CMYA5: variants seen among roughly 807,000 people sequenced by gnomAD.
The protein encoded by CMYA5 is cardiomyopathy associated 5, also known as cardiomyopathy-associated protein 5.
CMYA5 carries 246 observed loss-of-function variants against 318.9 expected under a neutral mutation model. The observed-to-expected ratio is 0.77, with a 90% confidence interval of 0.70 to 0.86. CMYA5 has a LOEUF of 0.86. CMYA5 is among the 40% of genes least tolerant of loss of function. The pLI, the probability that CMYA5 is intolerant of heterozygous loss-of-function variation, is 0.00. For missense variants in CMYA5, 4,589 were observed against 4,678.2 expected (o/e 0.98, Z 0.56); for synonymous variants, 1,641 against 1,729.5 (o/e 0.95, Z 1.27).
At position 79,722,272 on chromosome 5, in the gene CMYA5, A is replaced by G. The variant is rs192965606; in HGVS notation, c.150-6643A>G. 2.6e-5 allele frequency among the ~76,000 whole-genome samples: 4 copies of G among 152,358 alleles called. No homozygotes were observed. In the East Asian group the frequency reaches 7.7e-4, roughly 29 times the overall value. ...AACATTTTGAGATTAATAACTTTTA[A>G]AATGCTATATATCAACCTTTAGGTT... On this transcript the variant is annotated intron_variant, in intron 1 of 12. Transcript: ENST00000446378.
In CMYA5 at chr5:79,729,598, C is replaced by G; in HGVS notation, c.833C>G (p.Ser278Cys). ...GAGCCAGATTTGGACAATAGTGGTT[C>G]TAATACAGTGTCCAAAACACGCAAA... ...SLEPDLDNSG[S>C]NTVSKTRKLV... The change falls in exon 2 of 13, where the codon TCT (serine) becomes TGT (cysteine). Residue 278 changes from serine (S) to cysteine (C), a missense_variant. Around this residue, in one of 3 missense-constraint regions of CMYA5, gnomAD observed 2,132 missense variants for 2,131.3 expected, o/e 1.00. Coordinates refer to ENST00000446378, the MANE Select transcript of CMYA5 (RefSeq NM_153610.5). The G allele has an allele frequency of 6.2e-7, 1 of 1,613,278 alleles. No homozygotes were observed. Among genetic ancestry groups the G allele is most frequent in the Non-Finnish European group, 8.5e-7 (1 of 1,179,266 alleles).
At chr5:79,712,223 AT>A (rs2151078665) in intron 1 of CMYA5, among the ~76,000 whole-genome samples, 1 of 152,034 alleles carries the variant, frequency 6.6e-6, no homozygotes, top group Non-Finnish European at 1.5e-5. Context: ...TTGTTTGTTT[AT>A]TTATTTTTGA....
At chr5:79,765,456 T>C (rs550759872) in intron 9 of CMYA5, among the ~76,000 whole-genome samples, 1 of 152,320 alleles carries the variant, frequency 6.6e-6, no homozygotes, top group South Asian at 2.1e-4. Context: ...TGCTTAGGAT[T>C]GTCTTGGCTA....
Position 79,787,025 on chromosome 5 carries a change from G to T in CMYA5, c.11556-1946G>T, listed in dbSNP as rs534166658. On this transcript the variant is annotated intron_variant, in intron 9 of 12. Transcript: ENST00000446378. ...CCTTTATTCTTTAAATGAGCAATGA[G>T]ACAGAGCATGCAGTTGACTATATAT... 1.2e-4 allele frequency among the ~76,000 whole-genome samples: 18 copies of T among 152,274 alleles called. No individual in the cohort carries two copies. The South Asian group carries it at 3.7e-3, about 32-fold the overall frequency.
intron 1 of CMYA5, among the ~76,000 whole-genome samples, chr5:79,693,336 A>ATTTTTTTTTTTTTTTTTTTTT (rs11319092): frequency 3.7e-5 from 5 of 135,634 alleles, no homozygotes; most frequent in Non-Finnish European, 6.2e-5. Flanking sequence ...AAGTCACACA[A>ATTTTTTTTTTTTTTTTTTTTT]TTTTTTTTTT....
chr5:79,747,515 A>G (rs1389423852), intron 5 of CMYA5, among the ~76,000 whole-genome samples: 1 of 152,240 alleles, frequency 6.6e-6, no homozygotes, highest in Non-Finnish European at 1.5e-5. Flanking sequence ...GAACTGTTCT[A>G]TCATTTTCTC....
Position 79,732,876 on chromosome 5 carries a change from G to A in CMYA5, c.4111G>A (p.Glu1371Lys), listed in dbSNP as rs762466810. Residue 1371 changes from glutamate (E) to lysine (K), a missense_variant, in exon 2 of 13, where the codon GAA becomes AAA. Physicochemically the swap from Glu to Lys is moderately conservative, Grantham distance 56 (BLOSUM62 1). Transcript: ENST00000446378. The part of the protein sequence containing the change: ...LDSNLTRAVK[E>K]EIPTDSSLIT... Reference sequence around the variant, plus strand: ...TTCAAACTTAACCAGAGCAGTAAAAGAAGAAATCCCAACAGATTCATCTCT... The same window carrying A: ...TTCAAACTTAACCAGAGCAGTAAAAAAAGAAATCCCAACAGATTCATCTCT... 1 of 1,613,780 alleles carries A rather than the reference G, an allele frequency of 6.2e-7. No individual in the cohort carries two copies. Among genetic ancestry groups the A allele is most frequent in the South Asian group, 1.1e-5 (1 of 91,056 alleles).
At position 79,738,376 on chromosome 5, in the gene CMYA5, AAAAG is replaced by A. The variant is rs760059145; in HGVS notation, c.9614_9617del (p.Lys3205ArgfsTer12). ...CTGTATGAAGAAGCAGTTGGAGAGA[AAAAG>A]AAGGAAGAGGAGACAGCTTCTGAAG... On this transcript the variant is annotated frameshift_variant, in exon 2 of 13. Coordinates refer to ENST00000446378, the MANE Select transcript of CMYA5 (RefSeq NM_153610.5). LOFTEE classifies it high-confidence loss of function. 3.7e-6 allele frequency: 6 copies of A among 1,613,792 alleles called. No homozygotes were observed. The South Asian group carries it at 5.5e-5, about 15-fold the overall frequency.
Position 79,729,045 on chromosome 5 carries a change from A to T in CMYA5, c.280A>T (p.Thr94Ser), listed in dbSNP as rs1561204754. Reference sequence around the variant, plus strand: ...GGAAACCAATTCAAGTAGATCTTCTACTCCTTGGGCTTCAGAAGAAAGTCA... The same window carrying T: ...GGAAACCAATTCAAGTAGATCTTCTTCTCCTTGGGCTTCAGAAGAAAGTCA... ...TWETNSSRSS[T>S]PWASEESQTS... Residue 94 changes from threonine to serine, a missense_variant, in exon 2 of 13, where the codon ACT becomes TCT. Thr to Ser is a moderately conservative substitution (Grantham distance 58). This residue lies in a region of CMYA5 where 2,132 missense variants were observed against 2,131.3 expected (regional missense o/e 1.00). Coordinates refer to ENST00000446378, the MANE Select transcript of CMYA5 (RefSeq NM_153610.5). 5 of 1,613,876 alleles carry T rather than the reference A, an allele frequency of 3.1e-6. No individual in the cohort carries two copies. The highest frequency in any genetic ancestry group is 3.4e-6 in the Non-Finnish European group (4 of 1,179,850).
At position 79,725,775 on chromosome 5, in the gene CMYA5, G is replaced by A. The variant is rs149932235; in HGVS notation, c.150-3140G>A. Among the ~76,000 whole-genome samples the A allele has an allele frequency of 8.6e-4, 131 of 152,218 alleles. No individual in the cohort carries two copies. In the Middle Eastern group the frequency reaches 0.01, roughly 12 times the overall value. ...AAAAATTAGCCGGGCGTTATGACAC[G>A]CACCTGTAATCCCAGCTACTTCCGA... is the stretch of plus-strand genomic sequence containing the variant. On this transcript the variant is annotated intron_variant, in intron 1 of 12. Transcript: ENST00000446378.
chr5:79,697,456 T>C (rs1456193411), intron 1 of CMYA5, among the ~76,000 whole-genome samples: 1 of 152,236 alleles, frequency 6.6e-6, no homozygotes, highest in Non-Finnish European at 1.5e-5. Context: ...CTTACCCTCA[T>C]GCTTCTGATG....
At chr5:79,726,522 G>A (rs1398781880) in intron 1 of CMYA5, among the ~76,000 whole-genome samples, 1 of 152,218 alleles carries the variant, frequency 6.6e-6, no homozygotes, top group Non-Finnish European at 1.5e-5. Flanking sequence ...AAGCAAATGA[G>A]TGAGAGCAGA....
At chr5:79,693,076 T>C (rs1173858927) in intron 1 of CMYA5, among the ~76,000 whole-genome samples, 1 of 152,212 alleles carries the variant, frequency 6.6e-6, no homozygotes, top group East Asian at 1.9e-4. Flanking sequence ...TTGGGATACA[T>C]GCTACCTGGA....
intron 6 of CMYA5, among the ~76,000 whole-genome samples, chr5:79,756,599 T>C (rs1317499916): frequency 6.6e-6 from 1 of 152,194 alleles, no homozygotes; most frequent in Non-Finnish European, 1.5e-5. Context: ...TGCATTGAAG[T>C]CCATGAACTT....
chr5:79,747,419 T>A (rs1200665456), intron 5 of CMYA5, among the ~76,000 whole-genome samples: 1 of 152,264 alleles, frequency 6.6e-6, no homozygotes, highest in Admixed American at 6.5e-5. Context: ...ATTTTGTAGA[T>A]GCTTAGATGC....
Position 79,738,582 on chromosome 5 carries a change from T to G in CMYA5, c.9817T>G (p.Tyr3273Asp), listed in dbSNP as rs765000264. ...AAAACGAGTTGGTAAGGATGATTCATACCAACCGATAGCTGCAGAAGGGGA... is the reference window on the plus strand; with the variant it reads ...AAAACGAGTTGGTAAGGATGATTCAGACCAACCGATAGCTGCAGAAGGGGA... ...EEKRVGKDDS[Y>D]QPIAAEGEIW... The change falls in exon 2 of 13, where the codon TAC becomes GAC. Residue 3273 changes from tyrosine (Y) to aspartate (D), a missense_variant. Coordinates refer to ENST00000446378, the MANE Select transcript of CMYA5 (RefSeq NM_153610.5). The G allele has an allele frequency of 5.5e-5, 88 of 1,613,544 alleles. No individual in the cohort carries two copies. Among genetic ancestry groups the G allele is most frequent in the Non-Finnish European group, 1.9e-5 (22 of 1,179,856 alleles).
At chr5:79,725,743 A>C (rs1827734854) in intron 1 of CMYA5, among the ~76,000 whole-genome samples, 2 of 152,302 alleles carry the variant, frequency 1.3e-5, no homozygotes, top group South Asian at 4.2e-4. Context: ...TCTCTACTGA[A>C]AATACAAAAA....
intron 12 of CMYA5, among the ~76,000 whole-genome samples, chr5:79,796,910 G>GCC (rs61294302): frequency 0.074 from 11,288 of 152,126 alleles, 430 homozygotes; most frequent in East Asian, 0.11. Flanking sequence ...TTAATATGTA[G>GCC]CCATTTTCTC....
chr5:79,758,772 A>G lies in CMYA5; in HGVS notation c.11130A>G (p.Leu3710=), dbSNP rs1166219700. 1.9e-6 allele frequency: 3 copies of G among 1,606,280 alleles called. No homozygotes were observed. The highest frequency in any genetic ancestry group is 3.4e-5 in the Admixed American group (2 of 58,676). ...KQVAVPQPPR[L]EPQEPNSATS... ...TTCCAGTTCCACAGCCTCCTAGATTAGAACCTCAGGAACCAAATTCTGCCA... is the reference window on the plus strand; with the variant it reads ...TTCCAGTTCCACAGCCTCCTAGATTGGAACCTCAGGAACCAAATTCTGCCA... Residue 3710 remains leucine, a synonymous_variant, in exon 7 of 13, where the codon TTA becomes TTG. Transcript: ENST00000446378.
Sources: gnomAD v4.1 joint callset for allele counts (sites outside exome capture counted in the v4.1 genomes callset) on GRCh38, gnomAD v4.1.1 for gene constraint, gnomAD v4.1.1 regional missense constraint, MANE v1.5 for transcripts, NCBI Gene and HGNC (gene_info 2026-07-23, HGNC 2026-07-21) for gene names.